GRM8: variants seen among roughly 807,000 people sequenced by gnomAD.
The protein encoded by GRM8 is metabotropic glutamate receptor 8.
GRM8 carries 47 observed loss-of-function variants against 87.2 expected under a neutral mutation model. That is an observed-to-expected ratio of 0.54 (90% confidence interval 0.43 to 0.69). The LOEUF is 0.69. GRM8 is among the 30% of genes least tolerant of loss of function. The pLI is 0.00. For synonymous variants in GRM8, 396 were observed against 404.5 expected, an observed-to-expected ratio of 0.98 and a Z score of 0.25; for missense variants, 1,019 against 1,139.2, an observed-to-expected ratio of 0.89 and a Z score of 1.52.
Position 126,714,323 on chromosome 7 carries a change from T to TAAA in GRM8, c.1357+55539_1357+55541dup, listed in dbSNP as rs1554464512. Among the ~76,000 whole-genome samples the TAAA allele has an allele frequency of 2.3e-3, 326 of 141,176 alleles. 4 individuals are homozygous for TAAA. The South Asian group carries it at 0.027, about 12-fold the overall frequency. The allele number at this position is 141,176 out of a possible 152,430, so 92.6% of individuals were successfully genotyped here. On this transcript the variant is annotated intron_variant, in intron 7 of 10. Transcript: ENST00000339582. ...ATAATAATAATAATAATAATAATAA[T>TAAA]AAATAGTATCTACCTACAAAGTGCT... is the stretch of plus-strand genomic sequence containing the variant.
At chr7:126,850,816 T>C (rs1007084466) in intron 6 of GRM8, among the ~76,000 whole-genome samples, 10 of 152,190 alleles carry the variant, frequency 6.6e-5, no homozygotes, top group African/African-American at 2.4e-4. Flanking sequence ...TTGCCCAATG[T>C]TGGTGTTCAA....
At chr7:126,452,539 T>C (rs548187051) in intron 9 of GRM8, among the ~76,000 whole-genome samples, 1 of 150,436 alleles carries the variant, frequency 6.6e-6, no homozygotes, top group South Asian at 2.1e-4. Flanking sequence ...GGAATATAAC[T>C]CATGTATTTC....
At chr7:126,613,519 G>A (rs536255049) in intron 7 of GRM8, among the ~76,000 whole-genome samples, 28 of 152,224 alleles carry the variant, frequency 1.8e-4, no homozygotes, top group Admixed American at 1.3e-3. Flanking sequence ...GGGGCTTGTC[G>A]GACAGTGTGG....
At chr7:126,544,453 A>G (rs145914863) in intron 8 of GRM8, among the ~76,000 whole-genome samples, 89 of 152,236 alleles carry the variant, frequency 5.8e-4, no homozygotes, top group African/African-American at 2.1e-3. Context: ...CCCTGACCGC[A>G]TACCTCACAA....
chr7:126,797,354 T>C lies in GRM8; in HGVS notation c.1157-27289A>G, dbSNP rs112232492. Among the ~76,000 whole-genome samples the C allele has an allele frequency of 8.6e-3, 1,304 of 152,282 alleles. 10 individuals are homozygous for C. Among genetic ancestry groups the C allele is most frequent in the African/African-American group, 0.029 (1,217 of 41,558 alleles). On this transcript the variant is annotated intron_variant, in intron 6 of 10. Coordinates refer to ENST00000339582, the MANE Select transcript of GRM8 (RefSeq NM_000845.3). ...TAAGAACATCATTTGTGGTTTATCATCTATTATTTACATTTTTAACATTTA... is the reference window on the plus strand; with the variant it reads ...TAAGAACATCATTTGTGGTTTATCACCTATTATTTACATTTTTAACATTTA...
intron 3 of GRM8, among the ~76,000 whole-genome samples, chr7:126,905,412 G>A (rs1586402503): frequency 1.3e-5 from 2 of 152,220 alleles, no homozygotes; most frequent in East Asian, 1.9e-4. Flanking sequence ...CTGGGCTGGG[G>A]TAGGAGGAGA....
intron 8 of GRM8, among the ~76,000 whole-genome samples, chr7:126,583,646 T>C (rs367749691): frequency 7.5e-4 from 114 of 152,266 alleles, no homozygotes; most frequent in African/African-American, 2.4e-3. Flanking sequence ...GTAGAAGTGA[T>C]AGAAATACCA....
intron 7 of GRM8, among the ~76,000 whole-genome samples, chr7:126,748,000 C>A (rs189015371): frequency 6.6e-6 from 1 of 151,892 alleles, no homozygotes; most frequent in Non-Finnish European, 1.5e-5. Context: ...TATTCTACAA[C>A]TAGCTTATAT....
At chr7:126,775,488 T>TG in intron 6 of GRM8, among the ~76,000 whole-genome samples, 1 of 65,080 alleles carries the variant, frequency 1.5e-5, no homozygotes, top group East Asian at 2.3e-4. Context: ...GGTTTTTTTT[T>TG]TTTTTTTTTT....
At chr7:127,118,026 AGT>A (rs1481131688) in intron 2 of GRM8, among the ~76,000 whole-genome samples, 1 of 152,242 alleles carries the variant, frequency 6.6e-6, no homozygotes, top group African/African-American at 2.4e-5. Flanking sequence ...ATGGATTTTT[AGT>A]GATTATCCGC....
chr7:127,157,222 A>G (rs1246977706), intron 2 of GRM8, among the ~76,000 whole-genome samples: 2 of 145,320 alleles, frequency 1.4e-5, no homozygotes, highest in Non-Finnish European at 3.0e-5. Context: ...GAGGAGAAAG[A>G]AAAAGAAAGA....
intron 2 of GRM8, chr7:127,229,856 GC>G (rs1298808658): frequency 6.6e-6 from 1 of 152,100 alleles, no homozygotes; most frequent in Admixed American, 6.6e-5. Flanking sequence ...AGAACCGTGA[GC>G]CCCTCAAGAA....
intron 8 of GRM8, among the ~76,000 whole-genome samples, chr7:126,594,637 TATGTTCAA>T (rs1796993379): frequency 1.3e-5 from 2 of 152,228 alleles, no homozygotes; most frequent in South Asian, 4.1e-4. Context: ...TTAGGAGGAA[TATGTTCAA>T]GAGATCTATT....
intron 7 of GRM8, among the ~76,000 whole-genome samples, chr7:126,764,514 T>C (rs1307393182): frequency 2.6e-5 from 4 of 152,112 alleles, no homozygotes; most frequent in African/African-American, 7.2e-5. Context: ...ACAAATTTCC[T>C]TCAAAATCAG....
chr7:127,128,630 T>C (rs1827509441), intron 2 of GRM8, among the ~76,000 whole-genome samples: 2 of 152,188 alleles, frequency 1.3e-5, no homozygotes, highest in South Asian at 2.1e-4. Context: ...ATAAAGCAGA[T>C]ATCATTATCT....
At chr7:126,862,932 C>T (rs1774651534) in intron 6 of GRM8, among the ~76,000 whole-genome samples, 1 of 151,968 alleles carries the variant, frequency 6.6e-6, no homozygotes, top group African/African-American at 2.4e-5. Context: ...TTAGTAATTT[C>T]TCCATTCTTT....
intron 3 of GRM8, among the ~76,000 whole-genome samples, chr7:127,067,790 T>C (rs908479705): frequency 8.5e-5 from 13 of 152,238 alleles, no homozygotes; most frequent in African/African-American, 2.7e-4. Flanking sequence ...CCATCTTTAC[T>C]TGTTAGATAA....
intron 6 of GRM8, among the ~76,000 whole-genome samples, chr7:126,851,092 T>C (rs973079539): frequency 7.2e-5 from 11 of 152,200 alleles, no homozygotes; most frequent in South Asian, 6.2e-4. Context: ...AATCTGCTTA[T>C]TGGGGTACAC....
chr7:126,911,077 G>C (rs1803236395), intron 3 of GRM8, among the ~76,000 whole-genome samples: 1 of 152,104 alleles, frequency 6.6e-6, no homozygotes, highest in Admixed American at 6.5e-5. Context: ...AGCCAGACAA[G>C]AATCATCACC....
Sources: allele counts gnomAD v4.1 joint callset (sites outside exome capture counted in the v4.1 genomes callset), GRCh38; gene constraint gnomAD v4.1.1; transcripts MANE v1.5; gene names NCBI Gene and HGNC (gene_info 2026-07-23, HGNC 2026-07-21).